The following REEP6 variants were observed in gnomAD, a reference collection of about 807,000 sequenced individuals.
The protein encoded by REEP6 is receptor accessory protein 6, also known as receptor expression-enhancing protein 6.
REEP6 carries 19 observed loss-of-function variants against 22.4 expected under a neutral mutation model. The ratio of observed to expected loss-of-function variants is 0.85; its 90% CI spans 0.59 to 1.25. The LOEUF (loss-of-function observed/expected upper bound fraction) is 1.25, where lower values mean the gene tolerates loss of function less well. Ranked by LOEUF, REEP6 falls within the 50% of genes most tolerant of loss-of-function variation. The pLI is 0.00. For missense variants in REEP6, 273 were observed against 251.9 expected, an observed-to-expected ratio of 1.08 and a Z score of -0.57; for synonymous variants, 121 against 113.6, an observed-to-expected ratio of 1.06 and a Z score of -0.41.
chr19:1,493,461 T>G (rs762810413), intron 1 of REEP6, among the ~76,000 whole-genome samples: 2 of 152,066 alleles, frequency 1.3e-5, no homozygotes, highest in Non-Finnish European at 2.9e-5. Context: ...GCCTCTGCCC[T>G]TTGGTCCAGA....
intron 1 of REEP6, among the ~76,000 whole-genome samples, chr19:1,493,825 C>T (rs551767576): frequency 1.8e-4 from 27 of 152,010 alleles, no homozygotes; most frequent in Non-Finnish European, 3.4e-4. Flanking sequence ...CGGTGGCTCA[C>T]GCCTGTAATC....
chr19:1,491,514 C>T lies in REEP6; in HGVS notation c.115+130C>T, dbSNP rs939138074. ...GGTGGAGCGCGCGAGGTGACTGGGA[C>T]CTCGAGGTCCGCCCGCAGCCCTTCC... On this transcript the variant is annotated intron_variant, in intron 1 of 4. Coordinates refer to ENST00000233596, the MANE Select transcript of REEP6 (RefSeq NM_138393.4). The surrounding 1 kb of genome is among the most constrained non-coding windows in gnomAD (Gnocchi z 5.4). 1.1e-5 allele frequency: 6 copies of T among 535,216 alleles called. No individual in the cohort carries two copies. Among genetic ancestry groups the T allele is most frequent in the East Asian group, 3.5e-5 (1 of 28,462 alleles). 33.2% of individuals were successfully genotyped at this position (535,216 alleles called of 1,614,324 possible).
rs1452611572 is a variant in REEP6, at chr19:1,497,715, C to T, written c.*504C>T. 4 of 472,514 alleles carry T rather than the reference C, an allele frequency of 8.5e-6. No individual in the cohort carries two copies. The highest frequency in any genetic ancestry group is 1.5e-5 in the South Asian group (1 of 64,570). The allele number at this position is 472,514 out of a possible 1,614,324, so 29.3% of individuals were successfully genotyped here. ...CGCAGCCCCCAAGACCAGCGGACAG[C>T]GCCAGAAGGAATCGTCGAAACAGCC... On this transcript the variant is annotated 3_prime_UTR_variant, in exon 5 of 5. Transcript: ENST00000233596. The surrounding 1 kb of genome is among the most constrained non-coding windows in gnomAD (Gnocchi z 6.5).
At chr19:1,493,323 G>A (rs567823997) in intron 1 of REEP6, among the ~76,000 whole-genome samples, 4 of 152,240 alleles carry the variant, frequency 2.6e-5, no homozygotes, top group South Asian at 4.1e-4. Context: ...GGTAACATAC[G>A]AAGAAACTCA....
intron 1 of REEP6, among the ~76,000 whole-genome samples, chr19:1,492,989 G>C (rs2084978843): frequency 6.6e-6 from 1 of 152,116 alleles, no homozygotes; most frequent in African/African-American, 2.4e-5. Context: ...AGCAGGGAGG[G>C]GCTGCCTGGG....
Position 1,497,635 on chromosome 19 carries a change from G to A in REEP6, c.*424G>A, listed in dbSNP as rs1388435134. 2 of 494,760 alleles carry A rather than the reference G, an allele frequency of 4.0e-6. No individual in the cohort carries two copies. Among genetic ancestry groups the A allele is most frequent in the Non-Finnish European group, 8.2e-6 (2 of 243,042 alleles). 30.6% of individuals were successfully genotyped at this position (494,760 alleles called of 1,614,324 possible). ...GTCTCACCCATGGTCCAGTCTCCCA[G>A]CAGCAGCAACATCCCCACGCAGCCC... On this transcript the variant is annotated 3_prime_UTR_variant, in exon 5 of 5. Transcript: ENST00000233596. This position sits in a 1 kb window ranked among gnomAD's most constrained non-coding sequence, Gnocchi z 6.5.
At chr19:1,493,708 G>GACACACACACACAC (rs55971424) in intron 1 of REEP6, among the ~76,000 whole-genome samples, 4,793 of 140,740 alleles carry the variant, frequency 0.034, 117 homozygotes, top group East Asian at 0.075. Flanking sequence ...GGCTGAGCTG[G>GACACACACACACAC]ACACACACAC....
rs2085019806 is a variant in REEP6, at chr19:1,497,538, TC to T, written c.*329del. On this transcript the variant is annotated 3_prime_UTR_variant, in exon 5 of 5. Transcript: ENST00000233596. This position sits in a 1 kb window ranked among gnomAD's most constrained non-coding sequence, Gnocchi z 6.5. Reference sequence around the variant, plus strand: ...GCAACACACCCAGCCGCCTGGTACTTCCTCCAGCCCCTCCCAGTCAGCCCTC... The same window carrying T: ...GCAACACACCCAGCCGCCTGGTACTTCTCCAGCCCCTCCCAGTCAGCCCTC... 1.6e-6 allele frequency: 1 copy of T among 628,150 alleles called. No individual in the cohort carries two copies. The highest frequency in any genetic ancestry group is 3.1e-6 in the Non-Finnish European group (1 of 327,366). The allele number at this position is 628,150 out of a possible 1,614,324, so 38.9% of individuals were successfully genotyped here.
Position 1,496,137 on chromosome 19 carries a change from A to T in REEP6, c.349-148A>T, listed in dbSNP as rs537807882. On this transcript the variant is annotated intron_variant, in intron 3 of 4. Transcript: ENST00000233596. ...CAGGCCCATCCCAATAGGACGTCTG[A>T]TGGTGGCGGGCCCACCCTAAAGGGT... The T allele has an allele frequency of 1.4e-5, 13 of 937,354 alleles. No homozygotes were observed. In the East Asian group the frequency reaches 3.5e-4, roughly 25 times the overall value. The allele number at this position is 937,354 out of a possible 1,614,324, so 58.1% of individuals were successfully genotyped here.
chr19:1,491,434 G>T lies in REEP6; in HGVS notation c.115+50G>T. 7.9e-7 allele frequency: 1 copy of T among 1,258,100 alleles called. No individual in the cohort carries two copies. 77.9% of individuals were successfully genotyped at this position (1,258,100 alleles called of 1,614,324 possible). ...TCGCCGACGGGCACACCGAGGCCAT[G>T]GGCCTGGGGGTCGCAGACCGGACTC... On this transcript the variant is annotated intron_variant, in intron 1 of 4. Coordinates refer to ENST00000233596, the MANE Select transcript of REEP6 (RefSeq NM_138393.4). This position sits in a 1 kb window ranked among gnomAD's most constrained non-coding sequence, Gnocchi z 5.4.
In REEP6 at chr19:1,491,241, G is replaced by T; in HGVS notation, c.-29G>T. 1 of 1,436,280 alleles carries T rather than the reference G, an allele frequency of 7.0e-7. No individual in the cohort carries two copies. The highest frequency in any genetic ancestry group is 9.2e-7 in the Non-Finnish European group (1 of 1,084,714). 89.0% of individuals were successfully genotyped at this position (1,436,280 alleles called of 1,614,324 possible). On this transcript the variant is annotated 5_prime_UTR_variant, in exon 1 of 5. Transcript: ENST00000233596. The surrounding 1 kb of genome is among the most constrained non-coding windows in gnomAD (Gnocchi z 5.4). ...GGTGCCCTGGTCCGCGGGCGAGCTCGAGCAGCCAACCCCGGGCGCGTCGGG... is the reference window on the plus strand; with the variant it reads ...GGTGCCCTGGTCCGCGGGCGAGCTCTAGCAGCCAACCCCGGGCGCGTCGGG...
rs567188992 is a variant in REEP6 at position 1,493,221 on chromosome 19, T to C, written c.115+1837T>C. On this transcript the variant is annotated intron_variant, in intron 1 of 4. Transcript: ENST00000233596. ...TTAGGGGAGGGACGCCCTGGGAGAG[T>C]CATTCCTCCCCACGAGCCAGGCCCG... is the stretch of plus-strand genomic sequence containing the variant. Among the ~76,000 whole-genome samples the C allele has an allele frequency of 2.2e-4, 33 of 151,892 alleles. 1 individual carries two copies. In the South Asian group the frequency reaches 6.9e-3, roughly 32 times the overall value.
At chr19:1,496,981 C>T (rs374217042) in intron 4 of REEP6, among the ~76,000 whole-genome samples, 193 bp from the exon 5 acceptor site, 3 of 152,178 alleles carry the variant, frequency 2.0e-5, no homozygotes, top group East Asian at 3.9e-4. Context: ...CATGCGTGTG[C>T]TCTGTGTGCA....
chr19:1,495,994 T>A, intron 3 of REEP6: 1 of 526,214 alleles, frequency 1.9e-6, no homozygotes, highest in Non-Finnish European at 3.4e-6. Context: ...TCCAATAATA[T>A]GTCTGATGGC....
rs375846182 is a variant in REEP6 at position 1,496,537 on chromosome 19, T to TGGCATC, written c.517+84_517+85insGGCATC. 16 of 1,486,762 alleles carry TGGCATC rather than the reference T, an allele frequency of 1.1e-5. No individual in the cohort carries two copies. The African/African-American group carries it at 1.8e-4, about 17-fold the overall frequency. The allele number at this position is 1,486,762 out of a possible 1,614,324, so 92.1% of individuals were successfully genotyped here. A position where few individuals can be genotyped will look rare whatever the true frequency, so the allele number is the denominator to read the frequency against. ...TCTCCACCTTGCCTCCCTTTCTGACTTTGGCCGCCCCCTCTCACTGTCCGC... is the reference window on the plus strand; with the variant it reads ...TCTCCACCTTGCCTCCCTTTCTGACTGGCATCTTGGCCGCCCCCTCTCACTGTCCGC... On this transcript the variant is annotated intron_variant, in intron 4 of 4. Transcript: ENST00000233596.
In REEP6 at chr19:1,496,469, C is replaced by A; in HGVS notation, c.517+16C>A. On this transcript the variant is annotated intron_variant, in intron 4 of 4. Transcript: ENST00000233596. ...ACCAGGAACGGTGGGTGCTCGCAGG[C>A]GCCTGGCTGCCTCAGGCCATCTCCC... 5 of 1,606,238 alleles carry A rather than the reference C, an allele frequency of 3.1e-6. No individual in the cohort carries two copies. The highest frequency in any genetic ancestry group is 1.7e-4 in the Middle Eastern group (1 of 6,050).
In REEP6 at chr19:1,497,144, G is replaced by GGCCGCCC; in HGVS notation, c.518-30_518-29insGCCGCCC. On this transcript the variant is annotated intron_variant, in intron 4 of 4. Transcript: ENST00000233596. The surrounding 1 kb of genome is among the most constrained non-coding windows in gnomAD (Gnocchi z 6.5). ...CCGGGGAGCCCAGGCCTGCCTCACG[G>GGCCGCCC]CCCTCCCCCACCCGCCCCTCTCTCT... 2 of 1,328,126 alleles carry GGCCGCCC rather than the reference G, an allele frequency of 1.5e-6. No homozygotes were observed. The highest frequency in any genetic ancestry group is 1.5e-5 in the African/African-American group (1 of 66,310). 82.3% of individuals were successfully genotyped at this position (1,328,126 alleles called of 1,614,324 possible).
chr19:1,492,169 C>T (rs2084961053), intron 1 of REEP6, among the ~76,000 whole-genome samples: 2 of 152,188 alleles, frequency 1.3e-5, no homozygotes, highest in Non-Finnish European at 2.9e-5. Flanking sequence ...GGCTGGAGTG[C>T]AGTGGTGTGA....
rs1232946222 is a variant in REEP6 at position 1,494,137 on chromosome 19, A to AAT, written c.116-1157_116-1156insAT. Among the ~76,000 whole-genome samples, 30 of 152,192 alleles carry AAT rather than the reference A, an allele frequency of 2.0e-4. 1 individual carries two copies. The highest frequency in any genetic ancestry group is 6.5e-4 in the Admixed American group (10 of 15,274). ...CTCTCTGTTAACTTGTAACCATAGG[A>AAT]GGCAGGGGCCATTACTACTCCCACT... On this transcript the variant is annotated intron_variant, in intron 1 of 4. Coordinates refer to ENST00000233596, the MANE Select transcript of REEP6 (RefSeq NM_138393.4).
Sources: gnomAD v4.1 joint callset for allele counts (sites outside exome capture counted in the v4.1 genomes callset) on GRCh38, gnomAD v4.1.1 for gene constraint, Gnocchi (gnomAD v3.1) non-coding constraint, MANE v1.5 for transcripts, NCBI Gene and HGNC (gene_info 2026-07-23, HGNC 2026-07-21) for gene names.